PPP2R2B: variants seen among roughly 807,000 people sequenced by gnomAD.
The protein encoded by PPP2R2B is serine/threonine-protein phosphatase 2A 55 kDa regulatory subunit B beta isoform.
PPP2R2B carries 5 observed loss-of-function variants against 46.0 expected under a neutral mutation model. That is an observed-to-expected ratio of 0.11 (90% CI 0.06 to 0.23). The LOEUF is 0.23. Ranked by LOEUF, PPP2R2B falls within the 10% of genes least tolerant of loss-of-function variation. The pLI, the probability that PPP2R2B is intolerant of heterozygous loss-of-function variation, is 1.00. For missense variants in PPP2R2B, 367 were observed against 575.0 expected (o/e 0.64, Z 3.70); for synonymous variants, 215 against 206.7 (o/e 1.04, Z -0.34).
At chr5:147,050,748 T>A (rs77111274) in intron 1 of PPP2R2B, among the ~76,000 whole-genome samples, 3 of 152,222 alleles carry the variant, frequency 2.0e-5, no homozygotes, top group Non-Finnish European at 4.4e-5. Context: ...ATAGTATGCA[T>A]CCTATGTTTT....
upstream of PPP2R2B, among the ~76,000 whole-genome samples, chr5:147,058,453 G>T (rs1304291441): frequency 6.6e-6 from 1 of 152,094 alleles, no homozygotes; most frequent in African/African-American, 2.4e-5. Flanking sequence ...ACTCACTGAG[G>T]ATGCTGGCCA....
At chr5:146,632,583 T>C (rs577602733) in intron 7 of PPP2R2B, among the ~76,000 whole-genome samples, 2 of 152,098 alleles carry the variant, frequency 1.3e-5, no homozygotes, top group African/African-American at 4.8e-5. Flanking sequence ...TTCATAAAGA[T>C]TGTATTCCAG....
At chr5:146,868,838 G>A (rs1000554471) in intron 2 of PPP2R2B, among the ~76,000 whole-genome samples, 2 of 152,150 alleles carry the variant, frequency 1.3e-5, no homozygotes, top group Non-Finnish European at 2.9e-5. Context: ...TTTTTGCCAA[G>A]TTTAAGAATA....
intron 1 of PPP2R2B, among the ~76,000 whole-genome samples, chr5:147,049,919 T>C (rs1457296555): frequency 6.6e-6 from 1 of 152,080 alleles, no homozygotes; most frequent in Non-Finnish European, 1.5e-5. Context: ...GAGGAGCAGG[T>C]GATGGGGCAG....
intron 2 of PPP2R2B, among the ~76,000 whole-genome samples, chr5:146,821,093 A>G (rs1841099): frequency 0.1 from 15,768 of 152,052 alleles, 951 homozygotes; most frequent in East Asian, 0.18. Flanking sequence ...ACCACACATC[A>G]CACACAACAC....
chr5:146,948,645 A>G (rs1764559868), intron 1 of PPP2R2B, among the ~76,000 whole-genome samples: 1 of 152,078 alleles, frequency 6.6e-6, no homozygotes, highest in Non-Finnish European at 1.5e-5. Flanking sequence ...TCCTATGAGA[A>G]ATCATGAATC....
chr5:146,823,366 T>A (rs976378892), intron 2 of PPP2R2B, among the ~76,000 whole-genome samples: 1 of 151,948 alleles, frequency 6.6e-6, no homozygotes, highest in South Asian at 2.1e-4. Flanking sequence ...CCCGCCTAAT[T>A]TTTTTTATTT....
intron 1 of PPP2R2B, among the ~76,000 whole-genome samples, chr5:146,916,370 A>C (rs922258481): frequency 6.6e-6 from 1 of 151,960 alleles, no homozygotes; most frequent in African/African-American, 2.4e-5. Context: ...TATTTAATCA[A>C]ATGATTTCAA....
intron 1 of PPP2R2B, among the ~76,000 whole-genome samples, chr5:146,900,214 G>A (rs1464754440): frequency 6.6e-6 from 1 of 152,052 alleles, no homozygotes. Flanking sequence ...CTAATAGGTC[G>A]ACCCAAGGAA....
chr5:146,956,501 A>C (rs1751916589), intron 1 of PPP2R2B, among the ~76,000 whole-genome samples: 1 of 152,206 alleles, frequency 6.6e-6, no homozygotes, highest in African/African-American at 2.4e-5. Flanking sequence ...CAGCTTTTGA[A>C]ATAACCCAGG....
intron 2 of PPP2R2B, among the ~76,000 whole-genome samples, chr5:146,790,976 G>A (rs1019324635): frequency 2.0e-5 from 3 of 152,138 alleles, no homozygotes; most frequent in African/African-American, 7.2e-5. Context: ...CTGCAAATCG[G>A]TCAATGTTTA....
chr5:146,802,030 A>G (rs1756899003), intron 2 of PPP2R2B, among the ~76,000 whole-genome samples: 2 of 152,142 alleles, frequency 1.3e-5, no homozygotes, highest in Admixed American at 1.3e-4. Context: ...GCTGGGTCCA[A>G]ATGATGAGAT....
At chr5:146,708,485 T>C (rs1260658070) in intron 2 of PPP2R2B, among the ~76,000 whole-genome samples, 2 of 151,686 alleles carry the variant, frequency 1.3e-5, no homozygotes, top group African/African-American at 2.4e-5. Flanking sequence ...TTTTGACAAA[T>C]GCATAGAGAT....
At chr5:146,711,517 G>C (rs1780211726) in intron 2 of PPP2R2B, among the ~76,000 whole-genome samples, 1 of 152,194 alleles carries the variant, frequency 6.6e-6, no homozygotes, top group Admixed American at 6.5e-5. Flanking sequence ...AAAAGCCTTT[G>C]CAGCACTGTC....
intron 1 of PPP2R2B, among the ~76,000 whole-genome samples, chr5:146,972,604 C>T (rs1752709161): frequency 6.6e-6 from 1 of 151,990 alleles, no homozygotes; most frequent in Admixed American, 6.6e-5. Flanking sequence ...CCCAGCTACT[C>T]AAGAGGCTGA....
intron 7 of PPP2R2B, 60 bp downstream of exon 7, chr5:146,638,191 C>T (rs1774947025): frequency 1.3e-6 from 2 of 1,543,748 alleles, no homozygotes; most frequent in East Asian, 2.3e-5. Context: ...CTTCCAGGCT[C>T]TCCCCCAGCA....
chr5:146,936,216 G>GCC (rs1483159217), intron 1 of PPP2R2B, among the ~76,000 whole-genome samples: 3 of 152,022 alleles, frequency 2.0e-5, no homozygotes, highest in Admixed American at 2.0e-4. Context: ...TGAGAGTTTA[G>GCC]CCCTATCCTT....
At chr5:146,962,302 GA>G (rs1380296120) in intron 1 of PPP2R2B, among the ~76,000 whole-genome samples, 1 of 151,250 alleles carries the variant, frequency 6.6e-6, no homozygotes, top group African/African-American at 2.4e-5. Flanking sequence ...TTTTTCAGAA[GA>G]AGGTAGAAGA....
intron 2 of PPP2R2B, among the ~76,000 whole-genome samples, chr5:146,875,650 T>C (rs1392781103): frequency 6.6e-6 from 1 of 152,072 alleles, no homozygotes; most frequent in African/African-American, 2.4e-5. Flanking sequence ...AAGAACAATC[T>C]GACATAACTG....
Sources: gnomAD v4.1 joint callset for allele counts (sites outside exome capture counted in the v4.1 genomes callset) on GRCh38, gnomAD v4.1.1 for gene constraint, MANE v1.5 for transcripts, NCBI Gene and HGNC (gene_info 2026-07-23, HGNC 2026-07-21) for gene names.